The following WWOX variants were observed in gnomAD, a reference collection of about 807,000 sequenced individuals.
WWOX encodes the protein WW domain containing oxidoreductase.
WWOX carries 69 observed loss-of-function variants against 46.2 expected under a neutral mutation model. That is an observed-to-expected ratio of 1.49 (90% CI 1.23 to 1.82). The LOEUF (loss-of-function observed/expected upper bound fraction) is 1.82, where lower values mean the gene tolerates loss of function less well. Among genes scored for constraint, WWOX ranks in the 40% most tolerant of loss-of-function variants. The pLI is 0.00. For synonymous variants in WWOX, 359 were observed against 202.6 expected, an observed-to-expected ratio of 1.77 and a Z score of -6.56; for missense variants, 919 against 542.6, an observed-to-expected ratio of 1.69 and a Z score of -6.89.
chr16:78,463,136 T>G (rs1485029786), intron 8 of WWOX, among the ~76,000 whole-genome samples: 1 of 152,104 alleles, frequency 6.6e-6, no homozygotes, highest in East Asian at 1.9e-4. Flanking sequence ...TGTAGGAGAT[T>G]TGGGGTTGGC....
At chr16:78,288,267 C>CTTTTTT (rs201333228) in intron 5 of WWOX, among the ~76,000 whole-genome samples, 16,342 of 122,934 alleles carry the variant, frequency 0.13, 1,007 homozygotes, top group East Asian at 0.25. Context: ...TATGAGTTTA[C>CTTTTTT]TTTTTTTTTT....
At position 78,929,897 on chromosome 16, in the gene WWOX, A is replaced by G. The variant is rs577457643; in HGVS notation, c.1057-281711A>G. ...AGTATCTAGCCCATCCTTCTTTCTT[A>G]GAAGCAGAATTTTCTAAGAGGTACA... On this transcript the variant is annotated intron_variant, in intron 8 of 8. Coordinates refer to ENST00000566780, the MANE Select transcript of WWOX (RefSeq NM_016373.4). Among the ~76,000 whole-genome samples, 165 of 152,236 alleles carry G rather than the reference A, an allele frequency of 1.1e-3. 1 individual carries two copies. The highest frequency in any genetic ancestry group is 3.8e-3 in the African/African-American group (157 of 41,552).
chr16:79,051,348 C>T (rs2048163667), intron 8 of WWOX, among the ~76,000 whole-genome samples: 1 of 152,186 alleles, frequency 6.6e-6, no homozygotes, highest in Non-Finnish European at 1.5e-5. Flanking sequence ...TTTTCATTAA[C>T]ATAAAATCCA....
At chr16:78,444,629 C>G (rs528670994) in intron 8 of WWOX, among the ~76,000 whole-genome samples, 1 of 150,888 alleles carries the variant, frequency 6.6e-6, no homozygotes, top group South Asian at 2.1e-4. Context: ...CTCCCGGGTT[C>G]AAGCAATTCT....
intron 8 of WWOX, among the ~76,000 whole-genome samples, chr16:78,845,381 T>C (rs1051380473): frequency 6.6e-6 from 1 of 152,178 alleles, no homozygotes; most frequent in African/African-American, 2.4e-5. Context: ...GACATGAATA[T>C]CAAATGAGAA....
At chr16:78,190,841 C>T (rs1434957573) in intron 5 of WWOX, among the ~76,000 whole-genome samples, 1 of 152,144 alleles carries the variant, frequency 6.6e-6, no homozygotes, top group Admixed American at 6.5e-5. Context: ...GGACAGGCTG[C>T]TTTTCATGTC....
rs192332018 is a variant in WWOX, at chr16:78,269,074, G to C, written c.516+104785G>C. The C allele has an allele frequency of 2.0e-5, 3 of 152,268 alleles. No individual in the cohort carries two copies. In the East Asian group the frequency reaches 5.8e-4, roughly 29 times the overall value. The allele number at this position is 152,268 out of a possible 1,614,324, so 9.4% of individuals were successfully genotyped here. On this transcript the variant is annotated intron_variant, in intron 5 of 8. Coordinates refer to ENST00000566780, the MANE Select transcript of WWOX (RefSeq NM_016373.4). ...GTAGTGTACAGTGTGTGCCCTTTCA[G>C]GCTAGTATGTACAGCTTTAAATCAT...
chr16:79,210,135 C>T (rs2051672534), intron 8 of WWOX, among the ~76,000 whole-genome samples: 1 of 152,168 alleles, frequency 6.6e-6, no homozygotes, highest in Admixed American at 6.5e-5. Context: ...ACTCACGGTC[C>T]ACACCCCGCC....
Position 78,941,520 on chromosome 16 carries a change from A to G in WWOX, c.1057-270088A>G, listed in dbSNP as rs74544058. On this transcript the variant is annotated intron_variant, in intron 8 of 8. Coordinates refer to ENST00000566780, the MANE Select transcript of WWOX (RefSeq NM_016373.4). ...ATTATTGGATTCAGGAGTTCATAGT[A>G]GTCCTGTATGAAGCTGGGGACGGGG... Among the ~76,000 whole-genome samples, 1,210 of 151,634 alleles carry G rather than the reference A, an allele frequency of 8.0e-3. 19 individuals carry two copies. The highest frequency in any genetic ancestry group is 0.028 in the African/African-American group (1,172 of 41,294).
At chr16:78,751,790 G>C (rs1020612029) in intron 8 of WWOX, among the ~76,000 whole-genome samples, 2 of 150,592 alleles carry the variant, frequency 1.3e-5, no homozygotes, top group African/African-American at 4.9e-5. Context: ...GGGAGGGAAA[G>C]AGAGAGAGAG....
intron 8 of WWOX, chr16:78,551,857 G>A (rs935963250): frequency 1.3e-5 from 2 of 152,160 alleles, no homozygotes; most frequent in Admixed American, 6.5e-5. Flanking sequence ...CAGCTTTCCC[G>A]TTCCAGGGTT....
intron 8 of WWOX, among the ~76,000 whole-genome samples, chr16:78,716,951 C>G (rs186578936): frequency 6.6e-6 from 1 of 152,292 alleles, no homozygotes; most frequent in Non-Finnish European, 1.5e-5. Flanking sequence ...TTCCCAAGAT[C>G]AGAGGATAAG....
chr16:78,180,415 G>C (rs1039130128), intron 5 of WWOX, among the ~76,000 whole-genome samples: 5 of 152,080 alleles, frequency 3.3e-5, no homozygotes, highest in African/African-American at 1.2e-4. Flanking sequence ...GGTAAATCCA[G>C]CTGCACCCAA....
At chr16:79,087,901 T>G (rs776515842) in intron 8 of WWOX, among the ~76,000 whole-genome samples, 23 of 152,180 alleles carry the variant, frequency 1.5e-4, no homozygotes, top group Non-Finnish European at 7.3e-5. Context: ...AAGGATGTTC[T>G]GGACTCAAGG....
intron 5 of WWOX, among the ~76,000 whole-genome samples, chr16:78,293,900 C>G (rs528692837): frequency 1.6e-4 from 22 of 134,536 alleles, no homozygotes; most frequent in Non-Finnish European, 3.2e-4. Flanking sequence ...TGCTTGAACC[C>G]TGGTAGGCAG....
rs369075883 is a variant in WWOX, at chr16:78,540,020, T to TCTCTCTCTCTCTCACA, written c.1056+107269_1056+107270insTCTCTCTCTCTCACAC. Among the ~76,000 whole-genome samples, 928 of 132,848 alleles carry TCTCTCTCTCTCTCACA rather than the reference T, an allele frequency of 7.0e-3. 5 individuals are homozygous for TCTCTCTCTCTCTCACA. The highest frequency in any genetic ancestry group is 0.02 in the African/African-American group (669 of 33,216). The allele number at this position is 132,848 out of a possible 152,430, so 87.2% of individuals were successfully genotyped here. On this transcript the variant is annotated intron_variant, in intron 8 of 8. Transcript: ENST00000566780. ...CTTTCTCTCTCTCTCTCTCTCTCTC[T>TCTCTCTCTCTCTCACA]CACACACACACACACACACACACAC...
chr16:78,180,017 G>C (rs1244411439), intron 5 of WWOX, among the ~76,000 whole-genome samples: 2 of 152,212 alleles, frequency 1.3e-5, no homozygotes, highest in African/African-American at 4.8e-5. Context: ...AGCAGAAGTT[G>C]CAAATAACTT....
chr16:78,754,483 C>A (rs1053207873), intron 8 of WWOX, among the ~76,000 whole-genome samples: 2 of 152,154 alleles, frequency 1.3e-5, no homozygotes, highest in African/African-American at 4.8e-5. Context: ...CTACCGCTTT[C>A]TTTTCCTCAC....
intron 8 of WWOX, among the ~76,000 whole-genome samples, chr16:78,596,678 G>T (rs2045498972): frequency 6.6e-6 from 1 of 152,214 alleles, no homozygotes; most frequent in Non-Finnish European, 1.5e-5. Flanking sequence ...TTGGAAGCCA[G>T]CAGGGAGAAT....
Sources: gnomAD v4.1 joint callset for allele counts (sites outside exome capture counted in the v4.1 genomes callset) on GRCh38, gnomAD v4.1.1 for gene constraint, MANE v1.5 for transcripts, NCBI Gene and HGNC (gene_info 2026-07-23, HGNC 2026-07-21) for gene names.